Variants in ACBD6 observed in about 807,000 individuals in gnomAD.
ACBD6 encodes acyl-CoA binding domain containing 6.
In ACBD6, 28 loss-of-function variants were observed where a neutral mutation model predicts 37.2. The ratio of observed to expected loss-of-function variants is 0.75; its 90% CI spans 0.56 to 1.03. The LOEUF is 1.03. ACBD6 is among the 50% of genes least tolerant of loss of function. The pLI is 0.00. For missense variants in ACBD6, 340 were observed against 337.4 expected (o/e 1.01, Z -0.06); for synonymous variants, 113 against 126.8 (o/e 0.89, Z 0.73).
At chr1:180,279,699 C>T (rs1245630544) in intron 9 of ACBD6, among the ~76,000 whole-genome samples, 2 of 152,160 alleles carry the variant, frequency 1.3e-5, no homozygotes, top group Non-Finnish European at 2.9e-5. Flanking sequence ...AACACCTCAT[C>T]AGAGTCATCA....
chr1:180,476,261 C>T (rs1650780465), intron 3 of ACBD6, among the ~76,000 whole-genome samples: 1 of 152,200 alleles, frequency 6.6e-6, no homozygotes, highest in South Asian at 2.1e-4. Flanking sequence ...ATATTATTAA[C>T]TCATTTATGC....
At chr1:180,342,415 T>C (rs1339395335) in intron 6 of ACBD6, among the ~76,000 whole-genome samples, 2 of 152,164 alleles carry the variant, frequency 1.3e-5, no homozygotes, top group African/African-American at 4.8e-5. Flanking sequence ...TCTAATCCAA[T>C]TGTAGTGTTT....
intron 3 of ACBD6, among the ~76,000 whole-genome samples, chr1:180,470,275 CA>C (rs200474062): frequency 2.6e-5 from 4 of 151,400 alleles, no homozygotes; most frequent in Admixed American, 6.6e-5. Context: ...TAAAAAACAG[CA>C]AAAAAAATAC....
chr1:180,416,766 G>T (rs1648112590), intron 4 of ACBD6, among the ~76,000 whole-genome samples: 1 of 152,102 alleles, frequency 6.6e-6, no homozygotes, highest in Non-Finnish European at 1.5e-5. Flanking sequence ...CCCAATCACA[G>T]GAAGATCCTT....
chr1:180,495,314 C>A (rs1651689472), intron 2 of ACBD6, 147 bp downstream of exon 2: 1 of 539,562 alleles, frequency 1.9e-6, no homozygotes. Context: ...TTTCTTTAAT[C>A]TCTCCCAATT....
At chr1:180,383,469 T>A (rs1342734341) in intron 6 of ACBD6, among the ~76,000 whole-genome samples, 1 of 151,960 alleles carries the variant, frequency 6.6e-6, no homozygotes, top group African/African-American at 2.4e-5. Flanking sequence ...TGGGAATAAA[T>A]TTAACCAAGG....
At chr1:180,409,426 G>GT (rs1380550028) in intron 5 of ACBD6, among the ~76,000 whole-genome samples, 2 of 152,112 alleles carry the variant, frequency 1.3e-5, no homozygotes, top group Non-Finnish European at 2.9e-5. Flanking sequence ...CAAATACTGT[G>GT]TTTTTTGTAA....
chr1:180,281,848 C>T (rs968467081), intron 8 of ACBD6, among the ~76,000 whole-genome samples: 1 of 152,186 alleles, frequency 6.6e-6, no homozygotes, highest in South Asian at 2.1e-4. Context: ...AGGAGTAATA[C>T]AAATAAACCA....
At chr1:180,283,994 C>T (rs1294216873), downstream of ACBD6, among the ~76,000 whole-genome samples, 2 of 152,040 alleles carry the variant, frequency 1.3e-5, no homozygotes, top group East Asian at 1.9e-4. Flanking sequence ...AGAAATAAGC[C>T]GTGAATTCCC....
chr1:180,422,618 T>C (rs1003178721), intron 4 of ACBD6, among the ~76,000 whole-genome samples: 3 of 152,180 alleles, frequency 2.0e-5, no homozygotes, highest in Admixed American at 6.5e-5. Context: ...GCAATTCAAC[T>C]TTTTCTTATA....
At chr1:180,330,628 G>A (rs1034371161) in intron 6 of ACBD6, among the ~76,000 whole-genome samples, 10 of 152,044 alleles carry the variant, frequency 6.6e-5, no homozygotes, top group African/African-American at 2.2e-4. Context: ...ACAACTAAAA[G>A]GAAAACAATC....
chr1:180,292,834 T>A (rs1302919682), intron 7 of ACBD6, among the ~76,000 whole-genome samples: 1 of 152,236 alleles, frequency 6.6e-6, no homozygotes, highest in Non-Finnish European at 1.5e-5. Flanking sequence ...CCTTTCATCA[T>A]CAAGGACGAT....
chr1:180,439,275 G>A (rs1649183411), intron 3 of ACBD6, among the ~76,000 whole-genome samples: 1 of 152,138 alleles, frequency 6.6e-6, no homozygotes, highest in African/African-American at 2.4e-5. Flanking sequence ...ACCTACCAAA[G>A]TGGAAGGCCC....
chr1:180,272,336 G>A (rs1648725516), intron 13 of ACBD6, among the ~76,000 whole-genome samples: 1 of 152,138 alleles, frequency 6.6e-6, no homozygotes, highest in Non-Finnish European at 1.5e-5. Context: ...CCAGCCTTGT[G>A]CCCCTAGCCC....
rs539913928 is a variant in ACBD6 at position 180,462,269 on chromosome 1, C to T, written c.384+30000G>A. Among the ~76,000 whole-genome samples, 16 of 152,042 alleles carry T rather than the reference C, an allele frequency of 1.1e-4. 1 individual carries two copies. In the South Asian group the frequency reaches 3.3e-3, roughly 32 times the overall value. On this transcript the variant is annotated intron_variant, in intron 3 of 7. Transcript: ENST00000367595. ...AAAAAAAAAGTAAATGGGCTAAATGCCTCAATTAAAAGACACAGTGTGGCA... is the reference window on the plus strand; with the variant it reads ...AAAAAAAAAGTAAATGGGCTAAATGTCTCAATTAAAAGACACAGTGTGGCA...
At chr1:180,485,832 CA>C (rs1417035400) in intron 3 of ACBD6, among the ~76,000 whole-genome samples, 1 of 151,316 alleles carries the variant, frequency 6.6e-6, no homozygotes, top group Non-Finnish European at 1.5e-5. Context: ...TAAAAAGCTC[CA>C]AATAGCCAAA....
intron 3 of ACBD6, among the ~76,000 whole-genome samples, chr1:180,490,603 G>A (rs1420752074): frequency 2.6e-5 from 4 of 151,706 alleles, no homozygotes; most frequent in East Asian, 1.9e-4. Context: ...GTGAAACCCC[G>A]TCTCTACTAA....
chr1:180,452,281 C>A (rs1381603895), intron 3 of ACBD6, among the ~76,000 whole-genome samples: 3 of 152,010 alleles, frequency 2.0e-5, no homozygotes, highest in Non-Finnish European at 4.4e-5. Flanking sequence ...ACCAGCCTGG[C>A]CAATATAGTG....
chr1:180,423,587 C>G (rs1399988620), intron 4 of ACBD6, among the ~76,000 whole-genome samples: 1 of 152,020 alleles, frequency 6.6e-6, no homozygotes, highest in African/African-American at 2.4e-5. Flanking sequence ...TTCTCACAAT[C>G]TTTCAATAAA....
Sources: allele counts gnomAD v4.1 joint callset (sites outside exome capture counted in the v4.1 genomes callset), GRCh38; gene constraint gnomAD v4.1.1; transcripts MANE v1.5; gene names NCBI Gene and HGNC (gene_info 2026-07-23, HGNC 2026-07-21).